Variants in CORO2B observed in about 807,000 individuals in gnomAD.
CORO2B encodes coronin-2B.
CORO2B carries 26 observed loss-of-function variants against 58.8 expected under a neutral mutation model. That is an observed-to-expected ratio of 0.44 (90% CI 0.32 to 0.61). The LOEUF (loss-of-function observed/expected upper bound fraction) is 0.61, where lower values mean the gene tolerates loss of function less well. Among genes scored for constraint, CORO2B ranks in the 20% least tolerant of loss-of-function variants. The pLI is 0.04. For synonymous variants in CORO2B, 242 were observed against 253.8 expected (o/e 0.95, Z 0.44); for missense variants, 460 against 645.1 (o/e 0.71, Z 3.11).
chr15:68,603,419 G>A (rs770042208), intron 1 of CORO2B, among the ~76,000 whole-genome samples: 57 of 152,168 alleles, frequency 3.7e-4, no homozygotes, highest in Non-Finnish European at 6.5e-4. Context: ...AGGAGCCTTC[G>A]TGGAGGACAA....
chr15:68,530,141 G>A, the CORO2B span, among the ~76,000 whole-genome samples: 3 of 152,124 alleles, frequency 2.0e-5, no homozygotes, highest in East Asian at 1.9e-4. Context: ...TGGCTAAAAC[G>A]GTGAAACCCC....
chr15:68,715,650 G>T (rs1893015365), intron 8 of CORO2B, among the ~76,000 whole-genome samples: 2 of 152,180 alleles, frequency 1.3e-5, no homozygotes, highest in Non-Finnish European at 2.9e-5. Context: ...TGGGGTCTAG[G>T]CACAAGTCCC....
chr15:68,536,922 G>A, the CORO2B span, among the ~76,000 whole-genome samples: 1 of 152,214 alleles, frequency 6.6e-6, no homozygotes, highest in Non-Finnish European at 1.5e-5. Context: ...CTGGAGCCAG[G>A]AAGTGATGCT....
intron 3 of CORO2B, among the ~76,000 whole-genome samples, chr15:68,699,892 C>G (rs1746311201): frequency 6.6e-6 from 1 of 152,214 alleles, no homozygotes; most frequent in South Asian, 2.1e-4. Flanking sequence ...GCTGGGCTGA[C>G]AGTTCAGATT....
At chr15:68,607,454 C>T (rs968910796) in intron 1 of CORO2B, among the ~76,000 whole-genome samples, 1 of 152,150 alleles carries the variant, frequency 6.6e-6, no homozygotes, top group African/African-American at 2.4e-5. Context: ...TCAGAAGTCA[C>T]ATAGGGTCAC....
chr15:68,598,408 G>T (rs547853807), intron 1 of CORO2B, among the ~76,000 whole-genome samples: 2 of 152,230 alleles, frequency 1.3e-5, no homozygotes, highest in African/African-American at 2.4e-5. Context: ...TCTATTTTGC[G>T]TGGTCAGTGA....
chr15:68,680,048 A>C (rs1902727023), intron 2 of CORO2B, among the ~76,000 whole-genome samples: 1 of 150,868 alleles, frequency 6.6e-6, no homozygotes, highest in Admixed American at 6.6e-5. Context: ...GATGGTGGGC[A>C]CTGGGCCCCC....
upstream of CORO2B, among the ~76,000 whole-genome samples, chr15:68,576,005 TAGTC>T (rs1448228261): frequency 6.6e-6 from 1 of 150,766 alleles, no homozygotes; most frequent in African/African-American, 2.4e-5. Context: ...ATACAAAAAT[TAGTC>T]AGGTGGGGTG....
chr15:68,627,829 G>T (rs903256419), intron 1 of CORO2B, among the ~76,000 whole-genome samples: 4 of 151,890 alleles, frequency 2.6e-5, no homozygotes, highest in African/African-American at 9.7e-5. Flanking sequence ...TTCCTGCCCC[G>T]CACACCCTGG....
chr15:68,617,412 A>G (rs1295485130), intron 1 of CORO2B, among the ~76,000 whole-genome samples: 1 of 152,162 alleles, frequency 6.6e-6, no homozygotes, highest in Non-Finnish European at 1.5e-5. Context: ...GAACCAAAGG[A>G]CTTGGTTCTA....
chr15:68,675,862 A>G (rs1454613268), intron 2 of CORO2B, among the ~76,000 whole-genome samples: 2 of 152,174 alleles, frequency 1.3e-5, no homozygotes, highest in Non-Finnish European at 2.9e-5. Context: ...CCAGCAGTGA[A>G]CAAAACAGAC....
intron 3 of CORO2B, 72 bp downstream of exon 3, chr15:68,695,328 C>A: frequency 9.6e-7 from 1 of 1,046,594 alleles, no homozygotes; most frequent in Non-Finnish European, 1.5e-6. Flanking sequence ...GCCTCTCTTC[C>A]TACCCTCCCC....
At chr15:68,666,315 C>A (rs894781304) in intron 2 of CORO2B, among the ~76,000 whole-genome samples, 2 of 152,182 alleles carry the variant, frequency 1.3e-5, no homozygotes, top group Non-Finnish European at 2.9e-5. Context: ...AGCTAGTTCC[C>A]TTTCCAAGGT....
At chr15:68,725,752 G>C in intron 11 of CORO2B, 91 bp from the exon 12 acceptor site, 2 of 1,541,608 alleles carry the variant, frequency 1.3e-6, no homozygotes, top group Non-Finnish European at 1.8e-6. Context: ...GAGGGCACGG[G>C]CGGCAGGCAG....
the CORO2B span, among the ~76,000 whole-genome samples, chr15:68,555,822 G>A: frequency 8.0e-4 from 122 of 152,226 alleles, 1 homozygote; most frequent in African/African-American, 2.8e-3. Context: ...GGGAGGAGGG[G>A]GACAGGCACA....
intron 1 of CORO2B, among the ~76,000 whole-genome samples, chr15:68,614,626 A>C (rs1416194655): frequency 1.3e-5 from 2 of 152,180 alleles, no homozygotes; most frequent in Non-Finnish European, 2.9e-5. Flanking sequence ...CGGAGCCCTC[A>C]CGGTCAAGGA....
At chr15:68,554,231 A>C in the CORO2B span, among the ~76,000 whole-genome samples, 1 of 152,106 alleles carries the variant, frequency 6.6e-6, no homozygotes, top group Non-Finnish European at 1.5e-5. Context: ...GGAGGTGAGC[A>C]GCTGAAATTG....
intron 1 of CORO2B, among the ~76,000 whole-genome samples, chr15:68,605,893 T>G (rs1900108083): frequency 6.6e-6 from 1 of 151,798 alleles, no homozygotes; most frequent in Non-Finnish European, 1.5e-5. Context: ...CTCAGCTAAT[T>G]TTTGTATTTT....
chr15:68,667,352 C>T (rs1469251329), intron 2 of CORO2B, among the ~76,000 whole-genome samples: 4 of 152,216 alleles, frequency 2.6e-5, no homozygotes, highest in African/African-American at 9.6e-5. Flanking sequence ...TCTCCGCTTC[C>T]TGCCATGTCC....
Sources: allele counts gnomAD v4.1 joint callset (sites outside exome capture counted in the v4.1 genomes callset), GRCh38; gene constraint gnomAD v4.1.1; transcripts MANE v1.5; gene names NCBI Gene and HGNC (gene_info 2026-07-23, HGNC 2026-07-21).